The following EPHA8 variants were observed in gnomAD, a reference collection of about 807,000 sequenced individuals.
EPHA8 encodes the protein ephrin type-A receptor 8.
A neutral mutation model predicts 103.6 loss-of-function variants in EPHA8; 58 were observed. That is an observed-to-expected ratio of 0.56 (90% CI 0.45 to 0.70). EPHA8 has a LOEUF of 0.70. Ranked by LOEUF, EPHA8 falls within the 30% of genes least tolerant of loss-of-function variation. The pLI is 0.00. For missense variants in EPHA8, 1,304 were observed against 1,395.2 expected (o/e 0.93, Z 1.04); for synonymous variants, 559 against 572.5 (o/e 0.98, Z 0.34).
intron 3 of EPHA8, among the ~76,000 whole-genome samples, chr1:22,584,356 G>T (rs1026398957): frequency 3.3e-5 from 5 of 152,168 alleles, no homozygotes; most frequent in Admixed American, 3.3e-4. Context: ...CCTCTGGAGG[G>T]GAGGGAAAGA....
At chr1:22,580,714 C>T (rs1233149385) in intron 3 of EPHA8, among the ~76,000 whole-genome samples, 1 of 152,242 alleles carries the variant, frequency 6.6e-6, no homozygotes, top group East Asian at 1.9e-4. Context: ...CACATACCAG[C>T]TCATTTGCTC....
intron 2 of EPHA8, among the ~76,000 whole-genome samples, chr1:22,571,928 T>C (rs1308994107): frequency 6.6e-6 from 1 of 152,116 alleles, no homozygotes; most frequent in Non-Finnish European, 1.5e-5. Context: ...TCCCCGCTAC[T>C]CAGGAGGCTG....
At chr1:22,584,774 A>G (rs1009012072) in intron 3 of EPHA8, among the ~76,000 whole-genome samples, 4 of 152,124 alleles carry the variant, frequency 2.6e-5, no homozygotes, top group Admixed American at 6.5e-5. Flanking sequence ...TGCCCAGAGC[A>G]GATAATGGTG....
Position 22,602,666 on chromosome 1 carries a change from A to G in EPHA8, c.*925A>G, listed in dbSNP as rs949728246. The G allele has an allele frequency of 6.5e-6, 1 of 152,882 alleles. No individual in the cohort carries two copies. The highest frequency in any genetic ancestry group is 6.5e-5 in the Admixed American group (1 of 15,280). The allele number at this position is 152,882 out of a possible 1,614,324, so 9.5% of individuals were successfully genotyped here. A position where few individuals can be genotyped will look rare whatever the true frequency, so the allele number is the denominator to read the frequency against. ...CTCCTCACTCAAAGTCCCTTCGCCA[A>G]CCTTTCAATGCCCAGCCCTGACACC... On this transcript the variant is annotated 3_prime_UTR_variant, in exon 17 of 17. Coordinates refer to ENST00000166244, the MANE Select transcript of EPHA8 (RefSeq NM_020526.5).
rs1486325260 is a variant in EPHA8, at chr1:22,578,458, ATGCATGTGTG to A, written c.823+1587_823+1596del. Among the ~76,000 whole-genome samples the A allele has an allele frequency of 1.1e-4, 13 of 119,046 alleles. No individual in the cohort carries two copies. In the Admixed American group the frequency reaches 1.1e-3, roughly 10 times the overall value. 78.1% of individuals were successfully genotyped at this position (119,046 alleles called of 152,430 possible). ...TACGTGTGTGCATGTGTGCGAGTGT[ATGCATGTGTG>A]TGCATGTGCATGAGTGTGTGCATGT... On this transcript the variant is annotated intron_variant, in intron 3 of 16. Coordinates refer to ENST00000166244, the MANE Select transcript of EPHA8 (RefSeq NM_020526.5).
chr1:22,571,043 C>A (rs998145679), intron 2 of EPHA8, among the ~76,000 whole-genome samples: 3 of 152,124 alleles, frequency 2.0e-5, no homozygotes, highest in African/African-American at 7.2e-5. Context: ...GGAGGGCACG[C>A]CTGGGCCCTG....
At chr1:22,582,007 C>T (rs762549594) in intron 3 of EPHA8, among the ~76,000 whole-genome samples, 1 of 152,202 alleles carries the variant, frequency 6.6e-6, no homozygotes, top group East Asian at 1.9e-4. Context: ...CTTTCTACCC[C>T]TGGAGAAGCC....
intron 13 of EPHA8, among the ~76,000 whole-genome samples, chr1:22,599,462 A>T (rs925333899): frequency 2.6e-5 from 4 of 152,134 alleles, no homozygotes. Context: ...AGCTGAGTGC[A>T]TGGGGGCCAG....
rs571896288 is a variant in EPHA8, at chr1:22,598,779, G to C, written c.2179-59G>C. 1.4e-4 allele frequency: 213 copies of C among 1,567,548 alleles called. No individual in the cohort carries two copies. The African/African-American group carries it at 2.7e-3, about 20-fold the overall frequency. On this transcript the variant is annotated intron_variant, in intron 12 of 16. Transcript: ENST00000166244. This position sits in a 1 kb window ranked among gnomAD's most constrained non-coding sequence, Gnocchi z 5.1. ...CATCCTACAGATGGGAGGTGTTCCTGTTCACGGACCAGGCGCCTCGCCGGG... is the reference window on the plus strand; with the variant it reads ...CATCCTACAGATGGGAGGTGTTCCTCTTCACGGACCAGGCGCCTCGCCGGG...
chr1:22,578,064 CATGAGTATGTATGCAT>C (rs1640801285), intron 3 of EPHA8, among the ~76,000 whole-genome samples: 1 of 17,432 alleles, frequency 5.7e-5, no homozygotes, highest in Non-Finnish European at 1.3e-4. Flanking sequence ...TGCATGTGTG[CATGAGTATGTATGCAT>C]GTGTGTGCAT....
At position 22,590,782 on chromosome 1, in the gene EPHA8, C is replaced by T. The variant is rs750538146; in HGVS notation, c.1315+1576C>T. 7.9e-5 allele frequency among the ~76,000 whole-genome samples: 12 copies of T among 152,086 alleles called. No individual in the cohort carries two copies. In the South Asian group the frequency reaches 1.0e-3, roughly 13 times the overall value. On this transcript the variant is annotated intron_variant, in intron 5 of 16. Coordinates refer to ENST00000166244, the MANE Select transcript of EPHA8 (RefSeq NM_020526.5). ...ACCTTTGTGCTAACAACCCCCAACT[C>T]GCGGTCACCAGCGAAGACCTCTCCC...
intron 3 of EPHA8, among the ~76,000 whole-genome samples, chr1:22,585,048 T>A (rs76752557): frequency 9.0e-6 from 1 of 111,284 alleles, no homozygotes; most frequent in South Asian, 3.4e-4. Flanking sequence ...TGTGTGTGTG[T>A]GTGCGCACGC....
rs72875412 is a variant in EPHA8 at position 22,570,901 on chromosome 1, G to A, written c.159+1548G>A. On this transcript the variant is annotated intron_variant, in intron 2 of 16. Transcript: ENST00000166244. ...TGGCTGTCTTCCCCGCGTGAGCGTG[G>A]TGTGGAAGGGCTTTGGTGCAGTGAG... Among the ~76,000 whole-genome samples the A allele has an allele frequency of 5.4e-3, 827 of 152,388 alleles. 6 individuals are homozygous for A. Among genetic ancestry groups the A allele is most frequent in the African/African-American group, 0.019 (800 of 41,596 alleles).
At chr1:22,575,496 T>C (rs1640663733) in intron 2 of EPHA8, among the ~76,000 whole-genome samples, 1 of 152,244 alleles carries the variant, frequency 6.6e-6, no homozygotes, top group Non-Finnish European at 1.5e-5. Flanking sequence ...TATTAATCCC[T>C]TATCAGCTAC....
intron 1 of EPHA8, among the ~76,000 whole-genome samples, chr1:22,566,391 C>G (rs1285205631): frequency 6.6e-6 from 1 of 152,180 alleles, no homozygotes; most frequent in African/African-American, 2.4e-5. Context: ...GGCGACGGTG[C>G]TGGAGAAAAA....
At chr1:22,570,341 T>TGCACGC (rs1557551222) in intron 2 of EPHA8, among the ~76,000 whole-genome samples, 2 of 146,636 alleles carry the variant, frequency 1.4e-5, no homozygotes, top group African/African-American at 5.4e-5. Context: ...CACATGCACA[T>TGCACGC]GCGTGGGTAC....
chr1:22,575,738 G>A (rs1640671020), intron 2 of EPHA8, among the ~76,000 whole-genome samples: 1 of 152,148 alleles, frequency 6.6e-6, no homozygotes, highest in South Asian at 2.1e-4. Flanking sequence ...TCAACAAGCA[G>A]CTGTGCAGGA....
chr1:22,599,092 A>G (rs1350540094), intron 13 of EPHA8, 45 bp downstream of exon 13: 4 of 1,547,314 alleles, frequency 2.6e-6, no homozygotes, highest in African/African-American at 2.7e-5. Context: ...GAGTGGGGAG[A>G]TGGCGCCGGT....
chr1:22,601,675 C>A lies in EPHA8; in HGVS notation c.2952C>A (p.Ile984=). The change falls in exon 17 of 17, where the codon ATC becomes ATA. Residue 984 remains isoleucine (I), a synonymous_variant. Coordinates refer to ENST00000166244, the MANE Select transcript of EPHA8 (RefSeq NM_020526.5). The stretch of plus-strand genomic sequence containing the variant: ...CCCTCATGGGCCACCAGAAGAAGAT[C>A]CTGGGCAGCATTCAGACCATGCGGG... ...GITLMGHQKK[I]LGSIQTMRAQ... 1 of 1,593,994 alleles carries A rather than the reference C, an allele frequency of 6.3e-7. No homozygotes were observed. The highest frequency in any genetic ancestry group is 2.3e-5 in the East Asian group (1 of 43,484).
Sources: gnomAD v4.1 joint callset for allele counts (sites outside exome capture counted in the v4.1 genomes callset) on GRCh38, gnomAD v4.1.1 for gene constraint, Gnocchi (gnomAD v3.1) non-coding constraint, MANE v1.5 for transcripts, NCBI Gene and HGNC (gene_info 2026-07-23, HGNC 2026-07-21) for gene names.